Variants in CDH18 observed in about 807,000 individuals in gnomAD.
The protein encoded by CDH18 is cadherin-18.
Under a neutral mutation model 67.9 loss-of-function variants are expected in CDH18, and 31 were observed. That is an observed-to-expected ratio of 0.46 (90% CI 0.34 to 0.62). CDH18 has a LOEUF of 0.62. Among genes scored for constraint, CDH18 ranks in the 20% least tolerant of loss-of-function variants. CDH18 has a pLI of 0.01. For synonymous variants in CDH18, 362 were observed against 347.2 expected, an observed-to-expected ratio of 1.04 and a Z score of -0.48; for missense variants, 890 against 975.5, an observed-to-expected ratio of 0.91 and a Z score of 1.17.
In CDH18 at chr5:19,497,607, A is replaced by G. The variant is rs144912052; in HGVS notation, c.1630+5385T>C. 3.2e-3 allele frequency among the ~76,000 whole-genome samples: 484 copies of G among 152,338 alleles called. 1 individual carries two copies. Among genetic ancestry groups the G allele is most frequent in the Non-Finnish European group, 5.4e-3 (366 of 68,032 alleles). The stretch of plus-strand genomic sequence containing the variant: ...GAAAGATCCGACAAAACCATGGAAC[A>G]TTGTGTTACATTTAGTTATTTAGCA... On this transcript the variant is annotated intron_variant, in intron 11 of 12. Coordinates refer to ENST00000382275, the MANE Select transcript of CDH18 (RefSeq NM_004934.5).
intron 2 of CDH18, among the ~76,000 whole-genome samples, chr5:19,972,522 T>A (rs1798123518): frequency 6.6e-6 from 1 of 151,926 alleles, no homozygotes; most frequent in African/African-American, 2.4e-5. Flanking sequence ...AGAGTATGAA[T>A]GTTCACTGCA....
At position 20,305,588 on chromosome 5, in the gene CDH18, G is replaced by T. The variant is rs531284025; in HGVS notation, c.-579-50083C>A. The T allele has an allele frequency of 2.0e-4, 114 of 578,598 alleles. No individual in the cohort carries two copies. In the East Asian group the frequency reaches 3.4e-3, roughly 17 times the overall value. The allele number at this position is 578,598 out of a possible 1,614,324, so 35.8% of individuals were successfully genotyped here. On this transcript the variant is annotated intron_variant, in intron 1 of 14. Coordinates refer to the CDH18 transcript ENST00000507958. ...GCTCGGCCGCTTCCGGTCCTGCGCTGCGGGCCTCAGAGGACTTGGTGCTCG... is the reference window on the plus strand; with the variant it reads ...GCTCGGCCGCTTCCGGTCCTGCGCTTCGGGCCTCAGAGGACTTGGTGCTCG...
chr5:19,981,279 A>C (rs1799003523), intron 1 of CDH18, 101 bp from the exon 2 acceptor site: 1 of 151,374 alleles, frequency 6.6e-6, no homozygotes, highest in Admixed American at 6.6e-5. Flanking sequence ...TGTAGGAAAA[A>C]TCCAAAGTTC....
rs73050983 is a variant in CDH18, at chr5:19,983,452, T to C, written c.-375-2274A>G. On this transcript the variant is annotated intron_variant, in intron 1 of 12. Coordinates refer to ENST00000382275, the MANE Select transcript of CDH18 (RefSeq NM_004934.5). ...ATTTATTTTACCAACAATTCATCTA[T>C]CATATTCCATGTGTTTTGAGTAAAA... 2.2e-3 allele frequency among the ~76,000 whole-genome samples: 329 copies of C among 152,306 alleles called. 1 individual carries two copies. Among genetic ancestry groups the C allele is most frequent in the African/African-American group, 7.6e-3 (315 of 41,566 alleles).
At chr5:20,457,363 T>C (rs1469531079) in intron 1 of CDH18, among the ~76,000 whole-genome samples, 1 of 152,220 alleles carries the variant, frequency 6.6e-6, no homozygotes, top group Non-Finnish European at 1.5e-5. Flanking sequence ...TGATACCTAA[T>C]ATTTATTGAG....
rs766007449 is a variant in CDH18, at chr5:19,543,902, A to G, written c.1357T>C (p.Trp453Arg). Residue 453 changes from tryptophan to arginine, a missense_variant, in exon 9 of 13, where the codon TGG (tryptophan) becomes CGG (arginine). By Grantham distance (101) the Trp-to-Arg change is moderately radical. This residue lies in a region of CDH18 where 656 missense variants were observed against 668.1 expected (regional missense o/e 0.98). Coordinates refer to ENST00000382275, the MANE Select transcript of CDH18 (RefSeq NM_004934.5). The part of the protein sequence containing the change: ...TKVLDREETP[W>R]YNITVTASEI... ...GAAGCAGTGACTGTGATGTTGTACC[A>G]TGGAGTTTCTTCTCTGTCGAGAACC... The G allele has an allele frequency of 6.3e-7, 1 of 1,590,848 alleles. No individual in the cohort carries two copies.
chr5:20,555,408 CTTTTTTTTTTTTTTTTTTTT>C (rs774396694), intron 1 of CDH18, among the ~76,000 whole-genome samples: 39 of 103,660 alleles, frequency 3.8e-4, no homozygotes, highest in African/African-American at 1.5e-3. Context: ...ACAAGCTTTT[CTTTTTTTTTTTTTTTTTTTT>C]TTTTTTTTTT....
intron 9 of CDH18, among the ~76,000 whole-genome samples, chr5:19,525,587 C>T (rs768829136): frequency 1.8e-4 from 28 of 152,156 alleles, no homozygotes; most frequent in Non-Finnish European, 3.4e-4. Context: ...TCAATAACTG[C>T]TGTCTGTTAC....
chr5:20,326,181 A>G (rs1266001391), intron 1 of CDH18, among the ~76,000 whole-genome samples: 1 of 152,188 alleles, frequency 6.6e-6, no homozygotes, highest in Admixed American at 6.5e-5. Context: ...GGATGTGCCA[A>G]TACTGTACCT....
chr5:20,449,904 C>T (rs1435614421), intron 1 of CDH18, among the ~76,000 whole-genome samples: 1 of 151,832 alleles, frequency 6.6e-6, no homozygotes, highest in Non-Finnish European at 1.5e-5. Flanking sequence ...GATATATTGC[C>T]AGGAGTATTC....
Position 19,839,238 on chromosome 5 carries a change from T to G in CDH18, c.-252A>C. On this transcript the variant is annotated 5_prime_UTR_variant, in exon 3 of 13. Transcript: ENST00000382275. Reference sequence around the variant, plus strand: ...AGTAGTTGAACACAAGCAACCATTTTCAACCTAATGGAAAGAGAAAATTAT... The same window carrying G: ...AGTAGTTGAACACAAGCAACCATTTGCAACCTAATGGAAAGAGAAAATTAT... The G allele has an allele frequency of 2.2e-6, 1 of 447,720 alleles. No homozygotes were observed. The highest frequency in any genetic ancestry group is 3.7e-5 in the East Asian group (1 of 27,274). The allele number at this position is 447,720 out of a possible 1,614,324, so 27.7% of individuals were successfully genotyped here. A position where few individuals can be genotyped will look rare whatever the true frequency, so the allele number is the denominator to read the frequency against.
chr5:19,961,857 T>A (rs28663096), intron 2 of CDH18, among the ~76,000 whole-genome samples: 18,923 of 152,018 alleles, frequency 0.12, 3,429 homozygotes, highest in African/African-American at 0.4. Flanking sequence ...CTTAATCTCG[T>A]TTGCAGTAAT....
At chr5:19,667,503 T>TAC (rs1318274906) in intron 5 of CDH18, among the ~76,000 whole-genome samples, 83 of 123,384 alleles carry the variant, frequency 6.7e-4, no homozygotes, top group Non-Finnish European at 1.3e-3. Flanking sequence ...TATATATATA[T>TAC]ATATACACAC....
chr5:19,924,919 T>C (rs1410884789), intron 2 of CDH18, among the ~76,000 whole-genome samples: 1 of 152,104 alleles, frequency 6.6e-6, no homozygotes, highest in East Asian at 1.9e-4. Flanking sequence ...TAAAATACAA[T>C]TGACCCTTGA....
chr5:20,232,685 T>C (rs1427368151), intron 2 of CDH18, among the ~76,000 whole-genome samples: 1 of 152,134 alleles, frequency 6.6e-6, no homozygotes, highest in Non-Finnish European at 1.5e-5. Flanking sequence ...ATATATTTTA[T>C]AGGCATGTGA....
intron 2 of CDH18, among the ~76,000 whole-genome samples, chr5:20,209,991 T>G (rs1272015679): frequency 6.6e-6 from 1 of 151,434 alleles, no homozygotes; most frequent in Non-Finnish European, 1.5e-5. Flanking sequence ...ATTAACTAAA[T>G]AATAATGTAA....
chr5:19,853,346 T>G (rs1480627838), intron 2 of CDH18, among the ~76,000 whole-genome samples: 1 of 152,124 alleles, frequency 6.6e-6, no homozygotes, highest in African/African-American at 2.4e-5. Context: ...AGACTGATCT[T>G]ATGACTTCAT....
At chr5:20,034,130 G>T (rs1053104182) in intron 2 of CDH18, among the ~76,000 whole-genome samples, 1 of 151,996 alleles carries the variant, frequency 6.6e-6, no homozygotes, top group Non-Finnish European at 1.5e-5. Flanking sequence ...GGGGGGAAAA[G>T]AATTGTGACT....
intron 2 of CDH18, among the ~76,000 whole-genome samples, chr5:20,244,883 C>CAT (rs1411180167): frequency 1.3e-5 from 2 of 152,064 alleles, no homozygotes; most frequent in Admixed American, 6.6e-5. Flanking sequence ...AAGAAACAGA[C>CAT]ATATCTAGTT....
Sources: allele counts gnomAD v4.1 joint callset (sites outside exome capture counted in the v4.1 genomes callset), GRCh38; gene constraint gnomAD v4.1.1; regional missense constraint gnomAD v4.1.1; transcripts MANE v1.5; gene names NCBI Gene and HGNC (gene_info 2026-07-23, HGNC 2026-07-21).